The following TTBK2 variants were observed in gnomAD, a reference collection of about 807,000 sequenced individuals.
The protein encoded by TTBK2 is tau-tubulin kinase 2.
A neutral mutation model predicts 110.8 loss-of-function variants in TTBK2; 28 were observed. The observed-to-expected ratio is 0.25, with a 90% confidence interval of 0.19 to 0.35. The LOEUF (loss-of-function observed/expected upper bound fraction) is 0.35. Ranked by LOEUF, TTBK2 falls within the 10% of genes least tolerant of loss-of-function variation. The pLI is 1.00. For synonymous variants in TTBK2, 532 were observed against 527.3 expected, an observed-to-expected ratio of 1.01 and a Z score of -0.12; for missense variants, 1,369 against 1,500.3, an observed-to-expected ratio of 0.91 and a Z score of 1.45.
chr15:42,763,106 A>G (rs1187474907), intron 13 of TTBK2, among the ~76,000 whole-genome samples: 2 of 113,520 alleles, frequency 1.8e-5, no homozygotes, highest in African/African-American at 7.9e-5. Flanking sequence ...ATATATACGT[A>G]TATATATATA....
intron 3 of TTBK2, among the ~76,000 whole-genome samples, chr15:42,848,160 A>G (rs1356407727): frequency 6.6e-6 from 1 of 152,194 alleles, no homozygotes; most frequent in Admixed American, 6.5e-5. Context: ...CCTCACAAAG[A>G]CATTTTTAAT....
At chr15:42,811,803 A>T in intron 7 of TTBK2, 23 bp from the exon 8 acceptor site, 1 of 1,602,588 alleles carries the variant, frequency 6.2e-7, no homozygotes, top group South Asian at 1.1e-5. Flanking sequence ...AACAGAATCC[A>T]GTCACATAAC....
At chr15:42,799,300 G>A (rs577271509) in intron 9 of TTBK2, among the ~76,000 whole-genome samples, 15 of 152,196 alleles carry the variant, frequency 9.9e-5, no homozygotes, top group Non-Finnish European at 1.6e-4. Flanking sequence ...AACCTGGGAC[G>A]CGGAGCTTGC....
At chr15:42,905,792 C>G (rs1567088136) in intron 1 of TTBK2, among the ~76,000 whole-genome samples, 1 of 152,006 alleles carries the variant, frequency 6.6e-6, no homozygotes, top group Admixed American at 6.6e-5. Flanking sequence ...ACCTCAATTT[C>G]CTCATCTATT....
chr15:42,905,349 T>A (rs900732644), intron 1 of TTBK2, among the ~76,000 whole-genome samples: 1 of 152,116 alleles, frequency 6.6e-6, no homozygotes, highest in African/African-American at 2.4e-5. Context: ...TCCCAGCTCA[T>A]TGCAGCCTTG....
chr15:42,902,331 A>G (rs2030095273), intron 1 of TTBK2, among the ~76,000 whole-genome samples: 1 of 148,722 alleles, frequency 6.7e-6, no homozygotes. Flanking sequence ...GACCAGCCTG[A>G]CCAACATGGT....
At chr15:42,819,416 T>C (rs778164727) in intron 6 of TTBK2, among the ~76,000 whole-genome samples, 4 of 152,168 alleles carry the variant, frequency 2.6e-5, no homozygotes, top group Non-Finnish European at 5.9e-5. Flanking sequence ...AAACAATCTA[T>C]GTGTTCTTCC....
chr15:42,795,044 C>T (rs868219122), intron 9 of TTBK2, among the ~76,000 whole-genome samples: 1 of 152,168 alleles, frequency 6.6e-6, no homozygotes, highest in African/African-American at 2.4e-5. Flanking sequence ...AGCATCATAT[C>T]TATAACCTAC....
chr15:42,775,669 A>G lies in TTBK2; in HGVS notation c.1464T>C (p.Ala488=). ...CAGGAACGCAAGGCTTATGCAGCAG[A>G]GCAGGGAGAATAGATTCTTTTCCTG... ...TSAGKESILP[A]LLHKPCVPAV... The change falls in exon 13 of 15, where the codon GCT becomes GCC. Residue 488 remains alanine (A), a synonymous_variant. Transcript: ENST00000267890. The G allele has an allele frequency of 6.2e-7, 1 of 1,613,526 alleles. No individual in the cohort carries two copies. Among genetic ancestry groups the G allele is most frequent in the Non-Finnish European group, 8.5e-7 (1 of 1,179,804 alleles).
chr15:42,776,995 TA>T, intron 12 of TTBK2, 35 bp downstream of exon 12: 1 of 1,583,780 alleles, frequency 6.3e-7, no homozygotes, highest in Non-Finnish European at 8.7e-7. Flanking sequence ...AATGGTACCT[TA>T]GAAGCTTTAA....
At chr15:42,799,112 G>GT (rs1891066154) in intron 9 of TTBK2, among the ~76,000 whole-genome samples, 1 of 152,114 alleles carries the variant, frequency 6.6e-6, no homozygotes, top group Admixed American at 6.5e-5. Context: ...GCTCAGGCCT[G>GT]TTATTCTAGC....
chr15:42,830,826 A>C (rs1892727609), intron 4 of TTBK2, among the ~76,000 whole-genome samples: 1 of 151,990 alleles, frequency 6.6e-6, no homozygotes, highest in Non-Finnish European at 1.5e-5. Flanking sequence ...TAACACGGTG[A>C]AACCCTGTCT....
intron 7 of TTBK2, among the ~76,000 whole-genome samples, chr15:42,815,438 G>A (rs1188630423): frequency 6.6e-6 from 1 of 152,088 alleles, no homozygotes; most frequent in East Asian, 1.9e-4. Flanking sequence ...GAATCAACAA[G>A]AAATACTTTT....
intron 1 of TTBK2, among the ~76,000 whole-genome samples, chr15:42,879,873 C>T (rs556688342): frequency 1.3e-5 from 2 of 151,472 alleles, no homozygotes; most frequent in Non-Finnish European, 2.9e-5. Context: ...TGCATGTACT[C>T]GTAATCCCAG....
At chr15:42,873,505 G>A (rs1313475248) in intron 2 of TTBK2, among the ~76,000 whole-genome samples, 1 of 151,860 alleles carries the variant, frequency 6.6e-6, no homozygotes, top group African/African-American at 2.4e-5. Flanking sequence ...TCTCTCTGAG[G>A]TACCTAACAG....
chr15:42,756,452 G>A (rs549549504), intron 13 of TTBK2, among the ~76,000 whole-genome samples: 1 of 152,048 alleles, frequency 6.6e-6, no homozygotes, highest in East Asian at 2.0e-4. Flanking sequence ...TGGGGGTGAT[G>A]GCGGGTGCCT....
At chr15:42,794,857 T>C in intron 9 of TTBK2, 56 bp from the exon 10 acceptor site, 2 of 1,599,138 alleles carry the variant, frequency 1.3e-6, no homozygotes, top group East Asian at 2.2e-5. Context: ...GTCACTTTAT[T>C]CTATAAGAGA....
intron 12 of TTBK2, among the ~76,000 whole-genome samples, chr15:42,776,586 C>T (rs1411983597): frequency 6.6e-6 from 1 of 152,238 alleles, no homozygotes; most frequent in East Asian, 1.9e-4. Context: ...AGGGTCTTCA[C>T]TAAAGTGAAT....
At chr15:42,897,577 G>A (rs1392620507) in intron 1 of TTBK2, among the ~76,000 whole-genome samples, 2 of 152,214 alleles carry the variant, frequency 1.3e-5, no homozygotes, top group Admixed American at 1.3e-4. Context: ...AGCAAAGTCT[G>A]GGCTAAAAGG....
Sources: gnomAD v4.1 joint callset for allele counts (sites outside exome capture counted in the v4.1 genomes callset) on GRCh38, gnomAD v4.1.1 for gene constraint, MANE v1.5 for transcripts, NCBI Gene and HGNC (gene_info 2026-07-23, HGNC 2026-07-21) for gene names.